The following MIR2052HG variants were observed in gnomAD, a reference collection of about 807,000 sequenced individuals.
MIR2052HG encodes the protein MIR2052 host gene.
chr8:74,756,339 G>T (rs1415686124), intron 5 of MIR2052HG, among the ~76,000 whole-genome samples: 2 of 152,156 alleles, frequency 1.3e-5, no homozygotes, highest in African/African-American at 4.8e-5. Flanking sequence ...CCATTCTAAA[G>T]TTATCTAGAG....
At chr8:74,606,936 C>T (rs557343950) in intron 1 of MIR2052HG, among the ~76,000 whole-genome samples, 19 of 151,104 alleles carry the variant, frequency 1.3e-4, no homozygotes, top group Non-Finnish European at 2.4e-4. Context: ...AATAAAAAAC[C>T]CTCAATCCTA....
At chr8:74,622,872 A>G (rs960908794) in intron 2 of MIR2052HG, among the ~76,000 whole-genome samples, 1 of 152,132 alleles carries the variant, frequency 6.6e-6, no homozygotes, top group African/African-American at 2.4e-5. Context: ...ATTTGCAACA[A>G]TATGGATGAA....
chr8:74,645,205 A>G (rs1808678837), intron 2 of MIR2052HG, among the ~76,000 whole-genome samples: 1 of 152,170 alleles, frequency 6.6e-6, no homozygotes, highest in African/African-American at 2.4e-5. Context: ...AAAGTTGGGG[A>G]AAAAGGTGAC....
At chr8:74,709,417 A>T (rs1449465923) in intron 4 of MIR2052HG, among the ~76,000 whole-genome samples, 1 of 152,108 alleles carries the variant, frequency 6.6e-6, no homozygotes, top group Admixed American at 6.6e-5. Flanking sequence ...TAACAAATAG[A>T]CAACATCAGA....
intron 4 of MIR2052HG, among the ~76,000 whole-genome samples, chr8:74,732,502 T>A (rs1338567349): frequency 6.6e-6 from 1 of 152,180 alleles, no homozygotes; most frequent in Admixed American, 6.5e-5. Context: ...GGGGATTACT[T>A]ATTAACAAGA....
chr8:74,603,238 ATGGG>A, intron 1 of MIR2052HG: 1 of 1,312,952 alleles, frequency 7.6e-7, no homozygotes. Flanking sequence ...CAGATGGATC[ATGGG>A]TGGTGGTGAA....
chr8:74,721,158 G>A (rs906548804), intron 4 of MIR2052HG, among the ~76,000 whole-genome samples: 27 of 152,124 alleles, frequency 1.8e-4, no homozygotes, highest in African/African-American at 5.1e-4. Flanking sequence ...TGGATGGAGT[G>A]AGATGACTGA....
At chr8:74,655,156 G>A (rs760313228) in intron 2 of MIR2052HG, among the ~76,000 whole-genome samples, 7 of 152,166 alleles carry the variant, frequency 4.6e-5, no homozygotes, top group Non-Finnish European at 7.3e-5. Flanking sequence ...GCTGTTAAAA[G>A]CATTCCATTT....
Position 74,691,842 on chromosome 8 carries a change from C to G in MIR2052HG, n.217-10537C>G, listed in dbSNP as rs1200857599. 2.0e-5 allele frequency among the ~76,000 whole-genome samples: 3 copies of G among 152,072 alleles called. No individual in the cohort carries two copies. The East Asian group carries it at 5.8e-4, about 29-fold the overall frequency. ...AATTCAAACCTGTGTGAAGTTTTCC[C>G]ATATCTCAGCCAGAATAGTCTTCTC... On this transcript the variant is annotated intron_variant and non_coding_transcript_variant, in intron 2 of 6. Transcript: ENST00000523442.
At chr8:74,603,510 A>G (rs879074574) in intron 1 of MIR2052HG, 52 of 1,560,378 alleles carry the variant, frequency 3.3e-5, no homozygotes, top group Middle Eastern at 1.7e-4. Flanking sequence ...TTGGAATGGT[A>G]AGTTCATGAG....
At chr8:74,603,984 C>T (rs1256523225) in intron 1 of MIR2052HG, 7 of 964,352 alleles carry the variant, frequency 7.3e-6, no homozygotes, top group Non-Finnish European at 1.2e-5. Context: ...TGCTACTGGT[C>T]ATAGAGCTGC....
intron 4 of MIR2052HG, among the ~76,000 whole-genome samples, chr8:74,726,197 G>GA (rs1239061504): frequency 6.6e-6 from 1 of 151,594 alleles, no homozygotes; most frequent in Admixed American, 6.6e-5. Context: ...CATCTCAAAA[G>GA]AAAAAAAGAA....
At chr8:74,745,624 ACGCATGGTCCAGGGACATTGAGGG>A (rs1261988915) in intron 4 of MIR2052HG, among the ~76,000 whole-genome samples, 10 of 152,232 alleles carry the variant, frequency 6.6e-5, no homozygotes, top group African/African-American at 1.7e-4. Context: ...AGAAAATAAA[ACGCATGGTCCAGGGACATTGAGGG>A]GATTAGGGAA....
rs933256486 is a variant in MIR2052HG at position 74,651,652 on chromosome 8, T to C, written n.216+38712T>C. Among the ~76,000 whole-genome samples the C allele has an allele frequency of 5.3e-5, 8 of 152,182 alleles. 1 individual carries two copies. Among genetic ancestry groups the C allele is most frequent in the Admixed American group, 1.3e-4 (2 of 15,272 alleles). ...CCCCAGTCCTGATTTTTTTCTTCCA[T>C]GTGAAAGGAGCTTAGTATTCTTGGC... On this transcript the variant is annotated intron_variant and non_coding_transcript_variant, in intron 2 of 6. Coordinates refer to ENST00000523442, the Ensembl canonical transcript of MIR2052HG.
At chr8:74,617,811 C>T (rs757480443) in intron 2 of MIR2052HG, among the ~76,000 whole-genome samples, 2 of 152,208 alleles carry the variant, frequency 1.3e-5, no homozygotes, top group African/African-American at 2.4e-5. Flanking sequence ...TACTAGTTTA[C>T]ATTCCCACCA....
chr8:74,600,629 G>A (rs1037513826), intron 1 of MIR2052HG, among the ~76,000 whole-genome samples: 4 of 151,152 alleles, frequency 2.6e-5, no homozygotes, highest in Non-Finnish European at 4.4e-5. Context: ...AGGCTGGAGT[G>A]CGGTGGCACA....
intron 2 of MIR2052HG, among the ~76,000 whole-genome samples, chr8:74,654,704 G>A (rs1222099149): frequency 6.6e-6 from 1 of 152,152 alleles, no homozygotes; most frequent in African/African-American, 2.4e-5. Context: ...CCAGTCTTGA[G>A]TATGTCTTTA....
rs191269767 is a variant in MIR2052HG at position 74,603,238 on chromosome 8, A to G, written n.128+3330A>G. On this transcript the variant is annotated intron_variant and non_coding_transcript_variant, in intron 1 of 6. Coordinates refer to ENST00000523442, the Ensembl canonical transcript of MIR2052HG. Reference sequence around the variant, plus strand: ...TGTTCAGAAACTACACAGATGGATCATGGGTGGTGGTGAACAGCAGAAAGG... The same window carrying G: ...TGTTCAGAAACTACACAGATGGATCGTGGGTGGTGGTGAACAGCAGAAAGG... The G allele has an allele frequency of 3.4e-4, 449 of 1,312,950 alleles. No individual in the cohort carries two copies. The African/African-American group carries it at 5.2e-3, about 15-fold the overall frequency. 81.3% of individuals were successfully genotyped at this position (1,312,950 alleles called of 1,614,324 possible).
intron 2 of MIR2052HG, among the ~76,000 whole-genome samples, chr8:74,686,471 T>C (rs1455495388): frequency 6.6e-6 from 1 of 152,048 alleles, no homozygotes; most frequent in Non-Finnish European, 1.5e-5. Context: ...CTGCATTTAC[T>C]GAGTGCCAGC....
Sources: gnomAD v4.1 joint callset for allele counts (sites outside exome capture counted in the v4.1 genomes callset) on GRCh38, gnomAD v4.1.1 for gene constraint, MANE v1.5 for transcripts, NCBI Gene and HGNC (gene_info 2026-07-23, HGNC 2026-07-21) for gene names.